Variants in TMEM132D observed in about 807,000 individuals in gnomAD.
TMEM132D encodes the protein transmembrane protein 132D.
A neutral mutation model predicts 62.3 loss-of-function variants in TMEM132D; 21 were observed. That is an observed-to-expected ratio of 0.34 (90% CI 0.24 to 0.49). TMEM132D has a LOEUF of 0.49. Among genes scored for constraint, TMEM132D ranks in the 20% least tolerant of loss-of-function variants. TMEM132D has a pLI of 0.99. For missense variants in TMEM132D, 1,346 were observed against 1,402.8 expected (o/e 0.96, Z 0.65); for synonymous variants, 621 against 575.6 (o/e 1.08, Z -1.13).
intron 4 of TMEM132D, among the ~76,000 whole-genome samples, chr12:129,261,463 G>A (rs57566087): frequency 0.015 from 2,346 of 152,238 alleles, 64 homozygotes; most frequent in African/African-American, 0.053. Context: ...TTTGCCCTCC[G>A]CCATGATTGT....
At position 129,072,178 on chromosome 12, in the gene TMEM132D, G is replaced by A. The variant is rs1874089058; in HGVS notation, c.*1697C>T. ...TGGAGAGGAAGCAGGGAGAAGATAG[G>A]TTCAAAGGAGGAGAGAGATACAGAG... is the stretch of plus-strand genomic sequence containing the variant. On this transcript the variant is annotated 3_prime_UTR_variant, in exon 9 of 9. Transcript: ENST00000422113. 6.6e-6 allele frequency: 1 copy of A among 152,046 alleles called. No homozygotes were observed. Among genetic ancestry groups the A allele is most frequent in the African/African-American group, 2.4e-5 (1 of 41,190 alleles). 9.4% of individuals were successfully genotyped at this position (152,046 alleles called of 1,614,324 possible).
intron 2 of TMEM132D, among the ~76,000 whole-genome samples, chr12:129,587,985 C>T (rs61078321): frequency 0.035 from 5,290 of 152,254 alleles, 287 homozygotes; most frequent in African/African-American, 0.11. Context: ...CTCCTGGAGA[C>T]ACCGGGGAAG....
intron 3 of TMEM132D, among the ~76,000 whole-genome samples, chr12:129,525,573 G>A (rs1014293596): frequency 1.3e-5 from 2 of 151,962 alleles, no homozygotes; most frequent in African/African-American, 4.8e-5. Flanking sequence ...TGAAGAGATG[G>A]GTTTCTTTTA....
intron 1 of TMEM132D, among the ~76,000 whole-genome samples, chr12:129,738,441 A>G (rs965526850): frequency 1.3e-4 from 20 of 152,230 alleles, no homozygotes; most frequent in African/African-American, 4.8e-4. Context: ...AAAACAAAAG[A>G]GGCTGGTTGT....
rs199631440 is a variant in TMEM132D at position 129,383,983 on chromosome 12, G to A, written c.1116-46166C>T. Reference sequence around the variant, plus strand: ...AGTCACCCAGTATCCTCTGCCTCCCGAAAGCTGTAGAACCTCGTAGACTTT... The same window carrying A: ...AGTCACCCAGTATCCTCTGCCTCCCAAAAGCTGTAGAACCTCGTAGACTTT... On this transcript the variant is annotated intron_variant, in intron 3 of 8. Coordinates refer to ENST00000422113, the MANE Select transcript of TMEM132D (RefSeq NM_133448.3). 1.8e-4 allele frequency among the ~76,000 whole-genome samples: 28 copies of A among 152,312 alleles called. No homozygotes were observed. The East Asian group carries it at 4.4e-3, about 24-fold the overall frequency.
chr12:129,415,405 C>T (rs553867531), intron 3 of TMEM132D, among the ~76,000 whole-genome samples: 7 of 152,276 alleles, frequency 4.6e-5, no homozygotes, highest in South Asian at 2.1e-4. Flanking sequence ...GATTGGTATA[C>T]GGGCCATTTT....
intron 5 of TMEM132D, among the ~76,000 whole-genome samples, chr12:129,125,469 T>C (rs1438701610): frequency 2.0e-5 from 3 of 151,878 alleles, no homozygotes; most frequent in African/African-American, 4.8e-5. Context: ...AAAATATGTT[T>C]AGGTGATGTG....
chr12:129,490,990 C>T (rs1292161357), intron 3 of TMEM132D, among the ~76,000 whole-genome samples: 1 of 152,106 alleles, frequency 6.6e-6, no homozygotes, highest in Non-Finnish European at 1.5e-5. Flanking sequence ...TTTCTTAGTC[C>T]TTTAATGACA....
chr12:129,327,899 G>A (rs951045588), intron 4 of TMEM132D, among the ~76,000 whole-genome samples: 4 of 152,110 alleles, frequency 2.6e-5, no homozygotes, highest in Admixed American at 2.6e-4. Flanking sequence ...TGCCTGATGG[G>A]GTCTCTAGTA....
chr12:129,231,522 C>T (rs1041394737), intron 4 of TMEM132D, among the ~76,000 whole-genome samples: 1 of 152,152 alleles, frequency 6.6e-6, no homozygotes, highest in African/African-American at 2.4e-5. Flanking sequence ...AAGAAAATAA[C>T]CAATTGTTCT....
chr12:129,083,600 C>T (rs1228145069), intron 6 of TMEM132D, among the ~76,000 whole-genome samples: 1 of 152,216 alleles, frequency 6.6e-6, no homozygotes, highest in African/African-American at 2.4e-5. Flanking sequence ...TCCCCTCTCC[C>T]AGGGGCCATG....
chr12:129,106,737 G>A (rs1324942408), intron 5 of TMEM132D, among the ~76,000 whole-genome samples: 3 of 152,164 alleles, frequency 2.0e-5, no homozygotes, highest in Admixed American at 6.5e-5. Flanking sequence ...GGCCAATGAC[G>A]TGGGAGTAGA....
At chr12:129,388,182 T>A (rs1333084540) in intron 3 of TMEM132D, among the ~76,000 whole-genome samples, 5 of 122,386 alleles carry the variant, frequency 4.1e-5, no homozygotes, top group Non-Finnish European at 9.1e-5. Flanking sequence ...ACACCAATAT[T>A]AACACCAAGA....
chr12:129,691,751 T>C (rs1189501843), intron 2 of TMEM132D, among the ~76,000 whole-genome samples: 1 of 152,118 alleles, frequency 6.6e-6, no homozygotes, highest in Non-Finnish European at 1.5e-5. Context: ...TTTCAATTTA[T>C]AATTAAAAAT....
chr12:129,752,886 T>C (rs1044750411), intron 1 of TMEM132D, among the ~76,000 whole-genome samples: 2 of 152,190 alleles, frequency 1.3e-5, no homozygotes, highest in African/African-American at 2.4e-5. Flanking sequence ...GGTATCCTAA[T>C]TGACATTTCC....
At chr12:129,824,269 T>C (rs1872604394) in intron 1 of TMEM132D, among the ~76,000 whole-genome samples, 1 of 152,200 alleles carries the variant, frequency 6.6e-6, no homozygotes, top group African/African-American at 2.4e-5. Flanking sequence ...TTCTACTACA[T>C]AGCAGGCTCC....
chr12:129,209,623 G>A lies in TMEM132D; in HGVS notation c.1340C>T (p.Thr447Met), dbSNP rs758554505. ...GACCACTTTCACCGGGACGGCCACC[G>A]TCTTCCCCGTGAGGATGGCTGTGTT... ...ILNTAILTGKTVAVPVKVVSV... is the reference protein window; with the variant it reads ...ILNTAILTGKMVAVPVKVVSV... Residue 447 changes from threonine (T) to methionine (M), a missense_variant, in exon 5 of 9, where the codon ACG (threonine) becomes ATG (methionine). Physicochemically the swap from Thr to Met is moderately conservative, Grantham distance 81 (BLOSUM62 -1). Transcript: ENST00000422113. 22 of 1,614,072 alleles carry A rather than the reference G, an allele frequency of 1.4e-5. No individual in the cohort carries two copies. The highest frequency in any genetic ancestry group is 4.4e-5 in the South Asian group (4 of 91,088).
intron 3 of TMEM132D, among the ~76,000 whole-genome samples, chr12:129,353,011 A>G (rs1233091328): frequency 6.6e-6 from 1 of 152,134 alleles, no homozygotes; most frequent in Non-Finnish European, 1.5e-5. Context: ...TTTCTTGTGC[A>G]AGATCCAAGA....
rs1344547950 is a variant in TMEM132D, at chr12:129,760,380, A to G, written c.80-59682T>C. Among the ~76,000 whole-genome samples, 9 of 129,186 alleles carry G rather than the reference A, an allele frequency of 7.0e-5. No homozygotes were observed. The South Asian group carries it at 7.8e-4, about 11-fold the overall frequency. The allele number at this position is 129,186 out of a possible 152,430, so 84.8% of individuals were successfully genotyped here. On this transcript the variant is annotated intron_variant, in intron 1 of 8. Coordinates refer to ENST00000422113, the MANE Select transcript of TMEM132D (RefSeq NM_133448.3). ...GGAGTCTCGCTCTTTTGCCCAGGCT[A>G]GAGTGCAGTGGCGCGATCTCGGCTC...
Sources: allele counts gnomAD v4.1 joint callset (sites outside exome capture counted in the v4.1 genomes callset), GRCh38; gene constraint gnomAD v4.1.1; transcripts MANE v1.5; gene names NCBI Gene and HGNC (gene_info 2026-07-23, HGNC 2026-07-21).